POMT2: variants seen among roughly 807,000 people sequenced by gnomAD.
POMT2 encodes protein O-mannosyltransferase 2, also known as protein O-mannosyl-transferase 2.
Under a neutral mutation model 100.0 loss-of-function variants are expected in POMT2, and 75 were observed. The observed-to-expected ratio is 0.75, with a 90% CI of 0.62 to 0.91. The LOEUF (loss-of-function observed/expected upper bound fraction) is 0.91, where lower values mean the gene tolerates loss of function less well. Among genes scored for constraint, POMT2 ranks in the 40% least tolerant of loss-of-function variants. The probability of loss-of-function intolerance (pLI) is 0.00; values close to 1 mark genes in which losing one functional copy is unlikely to be tolerated. For missense variants in POMT2, 940 were observed against 955.1 expected (o/e 0.98, Z 0.21); for synonymous variants, 378 against 374.1 (o/e 1.01, Z -0.12).
At chr14:77,318,923 AC>A (rs1232543545) in intron 1 of POMT2, among the ~76,000 whole-genome samples, 1 of 152,058 alleles carries the variant, frequency 6.6e-6, no homozygotes, top group East Asian at 1.9e-4. Flanking sequence ...TTCAGTTGAG[AC>A]GGAGTTTCAC....
At chr14:77,302,564 CATG>C (rs1291347644) in intron 5 of POMT2, among the ~76,000 whole-genome samples, 1 of 152,152 alleles carries the variant, frequency 6.6e-6, no homozygotes, top group East Asian at 1.9e-4. Context: ...CCATTGTAAA[CATG>C]ATAATAATAA....
In POMT2 at chr14:77,276,509, T is replaced by C. The variant is rs1299925548; in HGVS notation, c.*867A>G. ...TGGGCTCTCCCAGCAGCCAGGAGAA[T>C]GCATCTGCCTTGCCCTCCAGGCCAG... On this transcript the variant is annotated 3_prime_UTR_variant, in exon 21 of 21. Coordinates refer to ENST00000261534, the MANE Select transcript of POMT2 (RefSeq NM_013382.7). 2 of 152,420 alleles carry C rather than the reference T, an allele frequency of 1.3e-5. No homozygotes were observed. The highest frequency in any genetic ancestry group is 2.9e-5 in the Non-Finnish European group (2 of 68,116). The allele number at this position is 152,420 out of a possible 1,614,324, so 9.4% of individuals were successfully genotyped here. A position where few individuals can be genotyped will look rare whatever the true frequency, so the allele number is the denominator to read the frequency against.
At chr14:77,283,733 G>T in intron 15 of POMT2, 64 bp downstream of exon 15, 1 of 1,377,734 alleles carries the variant, frequency 7.3e-7, no homozygotes, top group Non-Finnish European at 1.0e-6. Flanking sequence ...ATTGACTTGT[G>T]ATCCAAATTC....
intron 10 of POMT2, 82 bp from the exon 11 acceptor site, chr14:77,288,913 A>G: frequency 8.4e-7 from 1 of 1,197,328 alleles, no homozygotes; most frequent in Non-Finnish European, 1.2e-6. Context: ...AAACAGTTAT[A>G]GTACCATGTG....
intron 15 of POMT2, among the ~76,000 whole-genome samples, chr14:77,282,195 G>A (rs1210116254): frequency 1.3e-5 from 2 of 152,182 alleles, no homozygotes; most frequent in African/African-American, 4.8e-5. Context: ...CCAAGCCAAG[G>A]GAATCTTATT....
At chr14:77,304,616 A>C in intron 4 of POMT2, 76 bp downstream of exon 4, 1 of 1,541,494 alleles carries the variant, frequency 6.5e-7, no homozygotes, top group South Asian at 1.2e-5. Context: ...GGGCCCTTGA[A>C]TGTACTGATT....
intron 8 of POMT2, 125 bp from the exon 9 acceptor site, chr14:77,296,398 T>TGAA: frequency 1.4e-6 from 1 of 693,286 alleles, no homozygotes; most frequent in East Asian, 2.7e-5. Flanking sequence ...GGCCCTGGAC[T>TGAA]GAAGCCCAGC....
intron 1 of POMT2, among the ~76,000 whole-genome samples, chr14:77,318,213 A>G (rs1436606848): frequency 6.6e-6 from 1 of 152,178 alleles, no homozygotes; most frequent in Admixed American, 6.5e-5. Context: ...AGCCTGGCAA[A>G]CATTCACATG....
At chr14:77,301,284 C>T (rs765266858) in intron 5 of POMT2, 35 bp from the exon 6 acceptor site, 2 of 1,613,422 alleles carry the variant, frequency 1.2e-6, no homozygotes, top group Admixed American at 3.3e-5. Flanking sequence ...AATTTGGCAG[C>T]TGGAACCAAA....
At chr14:77,301,365 G>A (rs1891035613) in intron 5 of POMT2, 116 bp from the exon 6 acceptor site, 4 of 1,371,692 alleles carry the variant, frequency 2.9e-6, no homozygotes, top group Non-Finnish European at 4.1e-6. Flanking sequence ...CCCTGTCTTG[G>A]GGGCTCTTAG....
chr14:77,289,697 G>A (rs1050997488), intron 10 of POMT2, among the ~76,000 whole-genome samples: 1 of 152,192 alleles, frequency 6.6e-6, no homozygotes, highest in East Asian at 1.9e-4. Context: ...TTGCCAGCGA[G>A]TATCTTGTCT....
rs115115460 is a variant in POMT2, at chr14:77,310,005, G to A, written c.333+1944C>T. Among the ~76,000 whole-genome samples the A allele has an allele frequency of 4.7e-3, 715 of 152,268 alleles. 4 individuals carry two copies. The highest frequency in any genetic ancestry group is 0.016 in the African/African-American group (684 of 41,540). Reference sequence around the variant, plus strand: ...AGGCTTAGGTAAATTAAACAAATCAGCCAGTCCTGTGCACATGTCCACAGT... The same window carrying A: ...AGGCTTAGGTAAATTAAACAAATCAACCAGTCCTGTGCACATGTCCACAGT... On this transcript the variant is annotated intron_variant, in intron 2 of 20. Coordinates refer to ENST00000261534, the MANE Select transcript of POMT2 (RefSeq NM_013382.7).
rs1361320389 is a variant in POMT2 at position 77,286,782 on chromosome 14, T to C, written c.1294A>G (p.Met432Val). ...GTGACCTGATAGTGCTTCCGGGTCA[T>C]GGGGGCCTCATGATAGTGACTGTGC... is the stretch of plus-strand genomic sequence containing the variant. ...NLHSHYHEAP[M>V]TRKHYQVTGY... The change falls in exon 12 of 21, where the codon ATG becomes GTG. Residue 432 changes from methionine to valine, a missense_variant. Met to Val is a conservative substitution (Grantham distance 21). Transcript: ENST00000261534. 1.2e-6 allele frequency: 2 copies of C among 1,614,170 alleles called. No homozygotes were observed. Among genetic ancestry groups the C allele is most frequent in the South Asian group, 1.1e-5 (1 of 91,074 alleles).
At chr14:77,284,844 A>C in intron 14 of POMT2, 106 bp downstream of exon 14, 1 of 959,068 alleles carries the variant, frequency 1.0e-6, no homozygotes, top group Non-Finnish European at 1.7e-6. Flanking sequence ...AACAAACAGC[A>C]GCAAGTTGAA....
At chr14:77,277,506 C>A in intron 20 of POMT2, 25 bp from the exon 21 acceptor site, 1 of 1,547,012 alleles carries the variant, frequency 6.5e-7, no homozygotes, top group Non-Finnish European at 8.9e-7. Flanking sequence ...CAGTAGGAGG[C>A]AGTTGGCACC....
rs891481939 is a variant in POMT2 at position 77,278,741 on chromosome 14, T to C, written c.2020A>G (p.Ser674Gly). The change falls in exon 19 of 21, where the codon AGC (serine) becomes GGC (glycine). Residue 674 changes from serine to glycine, a missense_variant. Coordinates refer to ENST00000261534, the MANE Select transcript of POMT2 (RefSeq NM_013382.7). ...GGGTGGCACTGACCTGTCAACATGC[T>C]TGAGAAGAGCATGGCTGGGAAGTAG... is the stretch of plus-strand genomic sequence containing the variant. ...HHYFPAMLFS[S>G]MLTGILWDTL... The C allele has an allele frequency of 3.1e-6, 5 of 1,613,780 alleles. No individual in the cohort carries two copies. In the African/African-American group the frequency reaches 4.0e-5, roughly 13 times the overall value.
chr14:77,302,959 T>C lies in POMT2; in HGVS notation c.548-16A>G, dbSNP rs1424103519. 1.9e-6 allele frequency: 3 copies of C among 1,592,914 alleles called. No homozygotes were observed. In the African/African-American group the frequency reaches 4.0e-5, roughly 21 times the overall value. On this transcript the variant is annotated splice_polypyrimidine_tract_variant and intron_variant, in intron 4 of 20. Transcript: ENST00000261534. ...CATCCCGTGTCTGAAAAACATGAGCTCGCTGGTGAAAAAGCGAGGTAAGAG... is the reference window on the plus strand; with the variant it reads ...CATCCCGTGTCTGAAAAACATGAGCCCGCTGGTGAAAAAGCGAGGTAAGAG...
chr14:77,299,789 C>T (rs968777549), intron 6 of POMT2: 1 of 486,720 alleles, frequency 2.1e-6, no homozygotes, highest in South Asian at 1.9e-5. Context: ...CCAGGCTCTA[C>T]ACCCAAAACC....
intron 8 of POMT2, 153 bp from the exon 9 acceptor site, chr14:77,296,426 G>A (rs1890833934): frequency 3.1e-6 from 2 of 641,848 alleles, no homozygotes; most frequent in South Asian, 3.5e-5. Context: ...TCACTCCCAT[G>A]GAGCCGACTC....
Sources: gnomAD v4.1 joint callset for allele counts (sites outside exome capture counted in the v4.1 genomes callset) on GRCh38, gnomAD v4.1.1 for gene constraint, MANE v1.5 for transcripts, NCBI Gene and HGNC (gene_info 2026-07-23, HGNC 2026-07-21) for gene names.